Variants in CSNK2A2 observed in about 807,000 individuals in gnomAD.
CSNK2A2 encodes the protein casein kinase II subunit alpha'.
A neutral mutation model predicts 54.0 loss-of-function variants in CSNK2A2; 8 were observed. The ratio of observed to expected loss-of-function variants is 0.15; its 90% CI spans 0.09 to 0.27. The LOEUF is 0.27. Ranked by LOEUF, CSNK2A2 falls within the 10% of genes least tolerant of loss-of-function variation. The pLI, the probability that CSNK2A2 is intolerant of heterozygous loss-of-function variation, is 1.00. For missense variants in CSNK2A2, 242 were observed against 439.4 expected (o/e 0.55, Z 4.02); for synonymous variants, 141 against 153.9 (o/e 0.92, Z 0.62).
At position 58,194,074 on chromosome 16, in the gene CSNK2A2, C is replaced by T. The variant is rs1258547883; in HGVS notation, c.216+2659G>A. Among the ~76,000 whole-genome samples the T allele has an allele frequency of 3.9e-5, 6 of 152,168 alleles. No individual in the cohort carries two copies. The East Asian group carries it at 5.8e-4, about 15-fold the overall frequency. ...TCACATATATTGCAAAGAACTGATA[C>T]GAAACGTTACTGACTACAAAAGTAA... On this transcript the variant is annotated intron_variant, in intron 2 of 11. Transcript: ENST00000262506.
intron 5 of CSNK2A2, among the ~76,000 whole-genome samples, chr16:58,169,484 G>A (rs1046444481): frequency 6.6e-6 from 1 of 151,916 alleles, no homozygotes; most frequent in African/African-American, 2.4e-5. Context: ...GAGCTGAGAT[G>A]GTGCCACTGC....
Position 58,168,701 on chromosome 16 carries a change from G to T in CSNK2A2, c.430-8C>A, listed in dbSNP as rs534783008. 1 of 1,610,526 alleles carries T rather than the reference G, an allele frequency of 6.2e-7. No homozygotes were observed. The highest frequency in any genetic ancestry group is 1.1e-5 in the South Asian group (1 of 90,966). Reference sequence around the variant, plus strand: ...GTGGCAGTAATCCAGAGCCTATTAGGTAAGAAAGCACAGATAATAGTAAGC... The same window carrying T: ...GTGGCAGTAATCCAGAGCCTATTAGTTAAGAAAGCACAGATAATAGTAAGC... On this transcript the variant is annotated splice_region_variant and splice_polypyrimidine_tract_variant and intron_variant, in intron 5 of 11. Transcript: ENST00000262506.
chr16:58,184,967 C>CAGG (rs1962152428), intron 3 of CSNK2A2, among the ~76,000 whole-genome samples: 1 of 152,164 alleles, frequency 6.6e-6, no homozygotes, highest in Admixed American at 6.5e-5. Flanking sequence ...TTCCTAAAAA[C>CAGG]TCATATATAA....
intron 2 of CSNK2A2, 100 bp from the exon 3 acceptor site, chr16:58,186,956 T>G (rs1175626498): frequency 1.1e-6 from 1 of 899,064 alleles, no homozygotes; most frequent in Non-Finnish European, 1.7e-6. Flanking sequence ...TACGCTATCT[T>G]GTACACTCTG....
At chr16:58,181,233 G>A (rs548538770) in intron 4 of CSNK2A2, among the ~76,000 whole-genome samples, 5 of 152,294 alleles carry the variant, frequency 3.3e-5, no homozygotes, top group South Asian at 2.1e-4. Context: ...TGCCAACAGC[G>A]AAAGGCCAAA....
intron 4 of CSNK2A2, among the ~76,000 whole-genome samples, chr16:58,180,489 C>G (rs1216093719): frequency 2.0e-5 from 3 of 151,238 alleles, no homozygotes; most frequent in East Asian, 3.9e-4. Context: ...CAAGAAGAGA[C>G]AGAAAACCTG....
rs1297393624 is a variant in CSNK2A2, at chr16:58,197,772, G to GGGTGGC, written c.-42_-37dup. On this transcript the variant is annotated 5_prime_UTR_variant, in exon 1 of 12. Coordinates refer to ENST00000262506, the MANE Select transcript of CSNK2A2 (RefSeq NM_001896.4). The surrounding 1 kb of genome is among the most constrained non-coding windows in gnomAD (Gnocchi z 4.0). ...ACCGGGGGGCGGCGCGGGGCGCAGA[G>GGGTGGC]GGTGGCGGCGGCGGCGCGGCGGGGG... 1 of 757,074 alleles carries GGGTGGC rather than the reference G, an allele frequency of 1.3e-6. No individual in the cohort carries two copies. The highest frequency in any genetic ancestry group is 1.6e-6 in the Non-Finnish European group (1 of 615,486). The allele number at this position is 757,074 out of a possible 1,614,324, so 46.9% of individuals were successfully genotyped here.
chr16:58,190,730 A>C (rs1424323206), intron 2 of CSNK2A2, among the ~76,000 whole-genome samples: 3 of 152,242 alleles, frequency 2.0e-5, no homozygotes, highest in Non-Finnish European at 4.4e-5. Flanking sequence ...CTATCAAAAA[A>C]ACCAGAAAAG....
chr16:58,162,623 TAAAG>T (rs1196075986), intron 11 of CSNK2A2: 3 of 152,202 alleles, frequency 2.0e-5, no homozygotes, highest in Non-Finnish European at 4.4e-5. Flanking sequence ...AAATAGTTAA[TAAAG>T]AAATCTTAAA....
intron 4 of CSNK2A2, among the ~76,000 whole-genome samples, chr16:58,179,374 G>A (rs369591095): frequency 5.3e-5 from 8 of 151,886 alleles, no homozygotes; most frequent in African/African-American, 1.9e-4. Context: ...GGTGGTGCAC[G>A]CCTGTAGTCC....
chr16:58,168,755 A>G, intron 5 of CSNK2A2, 62 bp from the exon 6 acceptor site: 1 of 1,293,938 alleles, frequency 7.7e-7, no homozygotes, highest in East Asian at 2.3e-5. Context: ...CAACGCAAGC[A>G]TAGTCTTATT....
chr16:58,193,789 C>T (rs1255935436), intron 2 of CSNK2A2, among the ~76,000 whole-genome samples: 3 of 152,150 alleles, frequency 2.0e-5, no homozygotes, highest in East Asian at 1.9e-4. Flanking sequence ...GCCATATAAA[C>T]GCTTACCATT....
chr16:58,192,535 T>C (rs961648941), intron 2 of CSNK2A2: 10 of 152,198 alleles, frequency 6.6e-5, no homozygotes, highest in Admixed American at 6.5e-4. Context: ...CATGCTGCTG[T>C]GGATACTAAT....
chr16:58,165,434 G>A (rs999802296), intron 10 of CSNK2A2, 126 bp downstream of exon 10: 3 of 1,041,592 alleles, frequency 2.9e-6, no homozygotes, highest in South Asian at 2.5e-5. Context: ...CGATAAATGA[G>A]GCCAAATTCT....
chr16:58,196,161 C>T (rs1049090133), intron 2 of CSNK2A2, among the ~76,000 whole-genome samples: 1 of 152,164 alleles, frequency 6.6e-6, no homozygotes, highest in Admixed American at 6.5e-5. Flanking sequence ...TATTTTCTAA[C>T]AAACGGAGCC....
At position 58,168,666 on chromosome 16, in the gene CSNK2A2, T is replaced by C. The variant is rs781398318; in HGVS notation, c.457A>G (p.Ile153Val). The change falls in exon 6 of 12, where the codon ATC (isoleucine) becomes GTC (valine). Residue 153 changes from isoleucine (I) to valine (V), a missense_variant. Ile to Val is a conservative substitution (Grantham distance 29). Coordinates refer to ENST00000262506, the MANE Select transcript of CSNK2A2 (RefSeq NM_001896.4). ...TGAGGTTTCACATCCCTGTGCATGA[T>C]TCCCTTGCTGTGGCAGTAATCCAGA... ...KALDYCHSKGIMHRDVKPHNV... is the reference protein window; with the variant it reads ...KALDYCHSKGVMHRDVKPHNV... 1.2e-6 allele frequency: 2 copies of C among 1,613,984 alleles called. No homozygotes were observed. Among genetic ancestry groups the C allele is most frequent in the African/African-American group, 1.3e-5 (1 of 75,044 alleles).
intron 2 of CSNK2A2, among the ~76,000 whole-genome samples, chr16:58,194,891 G>A (rs1374662929): frequency 6.6e-6 from 1 of 151,242 alleles, no homozygotes; most frequent in African/African-American, 2.4e-5. Flanking sequence ...TGAACATGCT[G>A]GTATTTATAC....
intron 4 of CSNK2A2, among the ~76,000 whole-genome samples, chr16:58,176,853 C>T (rs747446172): frequency 6.6e-6 from 1 of 152,160 alleles, no homozygotes; most frequent in African/African-American, 2.4e-5. Flanking sequence ...CTGGTGGTAA[C>T]CTCAGGTTCT....
chr16:58,182,374 C>CAAAAAAAAAAAAAAAA (rs71155249), intron 4 of CSNK2A2, among the ~76,000 whole-genome samples: 4 of 25,746 alleles, frequency 1.6e-4, no homozygotes, highest in African/African-American at 2.1e-4. Flanking sequence ...CTAAATATAC[C>CAAAAAAAAAAAAAAAA]AAAAAAAAAA....
Sources: gnomAD v4.1 joint callset for allele counts (sites outside exome capture counted in the v4.1 genomes callset) on GRCh38, gnomAD v4.1.1 for gene constraint, Gnocchi (gnomAD v3.1) non-coding constraint, MANE v1.5 for transcripts, NCBI Gene and HGNC (gene_info 2026-07-23, HGNC 2026-07-21) for gene names.